Variants in PRSS23 observed in about 807,000 individuals in gnomAD.
PRSS23 encodes the protein protease, serine 23.
PRSS23 carries 25 observed loss-of-function variants against 34.7 expected under a neutral mutation model. The observed-to-expected ratio is 0.72, with a 90% CI of 0.53 to 1.01. PRSS23 has a LOEUF of 1.01. PRSS23 is among the 50% of genes least tolerant of loss of function. The pLI, the probability that PRSS23 is intolerant of heterozygous loss-of-function variation, is 0.00. For synonymous variants in PRSS23, 176 were observed against 186.6 expected (o/e 0.94, Z 0.46); for missense variants, 445 against 475.6 (o/e 0.94, Z 0.60).
chr11:86,837,162 C>G (rs1423777794), intron 2 of PRSS23: 1 of 152,176 alleles, frequency 6.6e-6, no homozygotes, highest in Non-Finnish European at 1.5e-5. Context: ...AAATCATTCT[C>G]TTTGCTTTAA....
At chr11:86,871,309 A>T (rs1053888303) in intron 2 of PRSS23, among the ~76,000 whole-genome samples, 2 of 152,128 alleles carry the variant, frequency 1.3e-5, no homozygotes, top group African/African-American at 4.8e-5. Flanking sequence ...TCTTCACTTT[A>T]AATGGTTGGA....
rs370490746 is a variant in PRSS23 at position 86,856,394 on chromosome 11, G to C, written c.206+32801G>C. 5.9e-5 allele frequency among the ~76,000 whole-genome samples: 9 copies of C among 151,686 alleles called. No individual in the cohort carries two copies. The East Asian group carries it at 1.7e-3, about 29-fold the overall frequency. On this transcript the variant is annotated intron_variant, in intron 2 of 2. Transcript: ENST00000533902. The stretch of plus-strand genomic sequence containing the variant: ...TCGGAATGTCAGGTAATGAGACCCA[G>C]GCCTCATCATGTCTAAGCTCCCCAG...
At chr11:86,829,448 T>C (rs572403805) in intron 2 of PRSS23, among the ~76,000 whole-genome samples, 1 of 152,348 alleles carries the variant, frequency 6.6e-6, no homozygotes, top group Admixed American at 6.5e-5. Flanking sequence ...AATTTCCTCC[T>C]GTAGCTCATA....
At chr11:86,822,686 C>G (rs1214052928) in intron 1 of PRSS23, among the ~76,000 whole-genome samples, 2 of 150,514 alleles carry the variant, frequency 1.3e-5, no homozygotes, top group African/African-American at 4.9e-5. Context: ...TGGTGGTTTT[C>G]ATAATGAAAG....
At chr11:86,904,108 A>G (rs1948927781) in intron 2 of PRSS23, among the ~76,000 whole-genome samples, 1 of 152,124 alleles carries the variant, frequency 6.6e-6, no homozygotes, top group Non-Finnish European at 1.5e-5. Context: ...ATGCACACTC[A>G]CTCTACAAAC....
At chr11:86,815,333 C>G (rs549282999), downstream of PRSS23, among the ~76,000 whole-genome samples, 1 of 152,196 alleles carries the variant, frequency 6.6e-6, no homozygotes, top group Non-Finnish European at 1.5e-5. Context: ...ATGTATTTGT[C>G]CTCTGCCACT....
chr11:86,847,180 G>A (rs572682290), intron 2 of PRSS23, among the ~76,000 whole-genome samples: 1 of 152,292 alleles, frequency 6.6e-6, no homozygotes, highest in African/African-American at 2.4e-5. Context: ...CTCAGCCCTG[G>A]TCTGGAGGAC....
chr11:86,796,003 G>A (rs529537687), upstream of PRSS23, among the ~76,000 whole-genome samples: 1 of 152,308 alleles, frequency 6.6e-6, no homozygotes, highest in African/African-American at 2.4e-5. Flanking sequence ...AAGCTTCCAA[G>A]TATCATTCAG....
rs191759540 is a variant in PRSS23 at position 86,848,940 on chromosome 11, T to A, written c.206+25347T>A. On this transcript the variant is annotated intron_variant, in intron 2 of 2. Coordinates refer to the PRSS23 transcript ENST00000533902. ...GACACTTTAAAAAAGATTGTCCAAC[T>A]AGAAACAAACTGCCCCCTCGCCCAT... Among the ~76,000 whole-genome samples, 344 of 152,296 alleles carry A rather than the reference T, an allele frequency of 2.3e-3. 3 individuals are homozygous for A. The highest frequency in any genetic ancestry group is 7.8e-3 in the African/African-American group (324 of 41,568).
intron 2 of PRSS23, among the ~76,000 whole-genome samples, chr11:86,861,742 T>A (rs1460719769): frequency 6.6e-6 from 1 of 151,604 alleles, no homozygotes; most frequent in African/African-American, 2.4e-5. Flanking sequence ...CACCCCCCTG[T>A]GATATTTTTT....
chr11:86,919,870 A>G (rs1949036655), intron 2 of PRSS23, among the ~76,000 whole-genome samples: 1 of 152,038 alleles, frequency 6.6e-6, no homozygotes, highest in Admixed American at 6.5e-5. Context: ...TGGCCCACCT[A>G]CCCTAGCAGC....
intron 2 of PRSS23, among the ~76,000 whole-genome samples, chr11:86,930,089 A>G (rs987954315): frequency 1.3e-5 from 2 of 151,988 alleles, no homozygotes; most frequent in South Asian, 4.2e-4. Context: ...GTGGTATAGT[A>G]TGTGTATATA....
chr11:86,792,387 G>C (rs1038158088), intron 1 of PRSS23, among the ~76,000 whole-genome samples: 1 of 152,200 alleles, frequency 6.6e-6, no homozygotes, highest in Non-Finnish European at 1.5e-5. Flanking sequence ...CTCCTGCCCA[G>C]ATGAGTGATG....
At chr11:86,834,374 T>C (rs1196960360) in intron 2 of PRSS23, among the ~76,000 whole-genome samples, 1 of 152,148 alleles carries the variant, frequency 6.6e-6, no homozygotes, top group African/African-American at 2.4e-5. Context: ...TTCTATTTCT[T>C]CTTCTGAGTA....
intron 1 of PRSS23, among the ~76,000 whole-genome samples, chr11:86,804,870 A>G (rs1948081084): frequency 6.6e-6 from 1 of 152,328 alleles, no homozygotes; most frequent in Middle Eastern, 3.4e-3. Flanking sequence ...ATGCACATTG[A>G]AAATATTATC....
intron 2 of PRSS23, among the ~76,000 whole-genome samples, chr11:86,875,012 G>C (rs1948713306): frequency 6.6e-6 from 1 of 152,128 alleles, no homozygotes; most frequent in Non-Finnish European, 1.5e-5. Flanking sequence ...TTTTTCCTTA[G>C]AGGCTTAGGA....
intron 2 of PRSS23, among the ~76,000 whole-genome samples, chr11:86,931,706 A>G (rs1949126976): frequency 6.6e-6 from 1 of 152,126 alleles, no homozygotes; most frequent in South Asian, 2.1e-4. Context: ...AAACAGCTGG[A>G]CTTGTGCTTT....
chr11:86,928,706 ATTGGCAAGAC>A (rs1949101938), intron 2 of PRSS23, among the ~76,000 whole-genome samples: 4 of 94,106 alleles, frequency 4.3e-5, no homozygotes, highest in East Asian at 2.9e-4. Flanking sequence ...AAAAAAAAAA[ATTGGCAAGAC>A]ATATACAGCA....
chr11:86,872,364 A>C (rs1380434746), intron 2 of PRSS23, among the ~76,000 whole-genome samples: 1 of 152,196 alleles, frequency 6.6e-6, no homozygotes, highest in Non-Finnish European at 1.5e-5. Flanking sequence ...CTTGAATATC[A>C]AGTTATTCAA....
Sources: allele counts gnomAD v4.1 joint callset (sites outside exome capture counted in the v4.1 genomes callset), GRCh38; gene constraint gnomAD v4.1.1; transcripts MANE v1.5; gene names NCBI Gene and HGNC (gene_info 2026-07-23, HGNC 2026-07-21).